The following CADM2 variants were observed in gnomAD, a reference collection of about 807,000 sequenced individuals.
CADM2 encodes immunoglobulin superfamily member 4D.
CADM2 carries 12 observed loss-of-function variants against 49.8 expected under a neutral mutation model. The ratio of observed to expected loss-of-function variants is 0.24; its 90% CI spans 0.15 to 0.39. The LOEUF is 0.39. Among genes scored for constraint, CADM2 ranks in the 10% least tolerant of loss-of-function variants. CADM2 has a pLI of 1.00. For synonymous variants in CADM2, 214 were observed against 175.4 expected (o/e 1.22, Z -1.74); for missense variants, 378 against 492.3 (o/e 0.77, Z 2.20).
At chr3:86,011,106 C>A (rs1195317047) in intron 8 of CADM2, among the ~76,000 whole-genome samples, 1 of 151,758 alleles carries the variant, frequency 6.6e-6, no homozygotes, top group Non-Finnish European at 1.5e-5. Flanking sequence ...GCAAAGCTTC[C>A]CATTAGTTTG....
chr3:85,217,095 A>G (rs2041944532), intron 1 of CADM2, among the ~76,000 whole-genome samples: 1 of 151,942 alleles, frequency 6.6e-6, no homozygotes, highest in African/African-American at 2.4e-5. Flanking sequence ...ATATTAAGTG[A>G]TTGGTCATAA....
chr3:86,054,714 C>CT (rs57638543), intron 8 of CADM2, among the ~76,000 whole-genome samples: 5,744 of 150,548 alleles, frequency 0.038, 214 homozygotes, highest in African/African-American at 0.095. Flanking sequence ...AGCCATGTGT[C>CT]TTTTTTTTTC....
At chr3:85,327,066 A>G in intron 1 of CADM2, among the ~76,000 whole-genome samples, 1 of 136,984 alleles carries the variant, frequency 7.3e-6, no homozygotes. Flanking sequence ...TTTCCTTTTT[A>G]TTTGTTTTGC....
chr3:85,281,885 G>T (rs2043509063), intron 1 of CADM2, among the ~76,000 whole-genome samples: 1 of 152,008 alleles, frequency 6.6e-6, no homozygotes, highest in Non-Finnish European at 1.5e-5. Context: ...GGCCTATTAG[G>T]CACAAGCTGT....
intron 2 of CADM2, among the ~76,000 whole-genome samples, chr3:85,753,920 C>A (rs1293154613): frequency 2.6e-5 from 4 of 152,062 alleles, no homozygotes; most frequent in East Asian, 1.9e-4. Context: ...AGTGGGCAAC[C>A]TGAGAGATTC....
intron 1 of CADM2, among the ~76,000 whole-genome samples, chr3:85,581,764 A>C (rs1287413773): frequency 6.6e-6 from 1 of 152,036 alleles, no homozygotes; most frequent in Non-Finnish European, 1.5e-5. Context: ...GACAAAAGTG[A>C]AGCCAAATAA....
chr3:85,409,708 A>G (rs1189096233), intron 1 of CADM2, among the ~76,000 whole-genome samples: 1 of 152,120 alleles, frequency 6.6e-6, no homozygotes, highest in Non-Finnish European at 1.5e-5. Context: ...CTTGGATTAA[A>G]GATGATAAAG....
At chr3:85,556,856 G>A (rs1263034940) in intron 1 of CADM2, among the ~76,000 whole-genome samples, 1 of 152,104 alleles carries the variant, frequency 6.6e-6, no homozygotes, top group Non-Finnish European at 1.5e-5. Context: ...AATTCACAGT[G>A]TCAGTGTGAA....
chr3:85,896,665 C>G (rs1202303368), intron 5 of CADM2, among the ~76,000 whole-genome samples: 2 of 152,094 alleles, frequency 1.3e-5, no homozygotes, highest in African/African-American at 4.8e-5. Flanking sequence ...AAATGTTTGG[C>G]CATTAAGCTC....
At chr3:84,966,772 A>C (rs1177586160) in intron 1 of CADM2, among the ~76,000 whole-genome samples, 1 of 152,070 alleles carries the variant, frequency 6.6e-6, no homozygotes, top group Non-Finnish European at 1.5e-5. Flanking sequence ...ACTCTTTCTG[A>C]GTCAGCAAAT....
intron 1 of CADM2, among the ~76,000 whole-genome samples, chr3:85,660,955 G>T (rs9820133): frequency 0.79 from 119,524 of 151,302 alleles, 48,019 homozygotes; most frequent in African/African-American, 0.95. Flanking sequence ...CTGCTCAATT[G>T]TAATTTTCAT....
intron 1 of CADM2, among the ~76,000 whole-genome samples, chr3:85,111,410 G>T (rs2038453069): frequency 6.6e-6 from 1 of 151,736 alleles, no homozygotes; most frequent in Non-Finnish European, 1.5e-5. Flanking sequence ...AATATATGAG[G>T]CTGCCTATTA....
rs571369205 is a variant in CADM2 at position 85,708,425 on chromosome 3, G to A, written c.62-18097G>A. Among the ~76,000 whole-genome samples the A allele has an allele frequency of 2.0e-5, 3 of 152,150 alleles. No individual in the cohort carries two copies. In the South Asian group the frequency reaches 6.2e-4, roughly 32 times the overall value. ...ACTGTAACTAACTTTGGGAGTCAGG[G>A]TATTGCACCTCAACAAGCCGCAGTC... On this transcript the variant is annotated intron_variant, in intron 1 of 9. Coordinates refer to ENST00000383699, the MANE Select transcript of CADM2 (RefSeq NM_001167675.2).
intron 3 of CADM2, among the ~76,000 whole-genome samples, chr3:85,861,509 T>A (rs1490720328): frequency 6.6e-6 from 1 of 152,080 alleles, no homozygotes; most frequent in Non-Finnish European, 1.5e-5. Context: ...ACATGTTAAA[T>A]TGGAGATGAC....
chr3:85,658,792 T>C (rs1259151239), intron 1 of CADM2, among the ~76,000 whole-genome samples: 1 of 150,412 alleles, frequency 6.6e-6, no homozygotes, highest in Admixed American at 6.6e-5. Context: ...AACACACACC[T>C]GTAATTCCAG....
intron 1 of CADM2, among the ~76,000 whole-genome samples, chr3:85,616,649 C>A (rs905821968): frequency 1.3e-5 from 2 of 152,116 alleles, no homozygotes; most frequent in African/African-American, 4.8e-5. Context: ...CTGAACAACA[C>A]TGTCTCAAAA....
At chr3:85,906,639 T>G (rs1716846092) in intron 5 of CADM2, among the ~76,000 whole-genome samples, 1 of 152,098 alleles carries the variant, frequency 6.6e-6, no homozygotes, top group Non-Finnish European at 1.5e-5. Flanking sequence ...CAGACAGGAA[T>G]TGTATGAAAG....
intron 1 of CADM2, among the ~76,000 whole-genome samples, chr3:85,274,193 T>C (rs2043306940): frequency 6.6e-6 from 1 of 151,410 alleles, no homozygotes; most frequent in Non-Finnish European, 1.5e-5. Flanking sequence ...AAAGTTAGTA[T>C]AGCATTTTTG....
rs186022616 is a variant in CADM2, at chr3:85,136,676, A to G, written c.61+177008A>G. ...CTAACTGCAAGTTAAAACATTTCTTAAGCAAGTTACTTAAGAATGCAAAGA... is the reference window on the plus strand; with the variant it reads ...CTAACTGCAAGTTAAAACATTTCTTGAGCAAGTTACTTAAGAATGCAAAGA... On this transcript the variant is annotated intron_variant, in intron 1 of 9. Transcript: ENST00000383699. 2.0e-5 allele frequency among the ~76,000 whole-genome samples: 3 copies of G among 152,076 alleles called. No homozygotes were observed. In the East Asian group the frequency reaches 5.8e-4, roughly 29 times the overall value.
Sources: gnomAD v4.1 joint callset for allele counts (sites outside exome capture counted in the v4.1 genomes callset) on GRCh38, gnomAD v4.1.1 for gene constraint, MANE v1.5 for transcripts, NCBI Gene and HGNC (gene_info 2026-07-23, HGNC 2026-07-21) for gene names.